RGS7: variants seen among roughly 807,000 people sequenced by gnomAD.
RGS7 encodes the protein regulator of G protein signaling 7.
In RGS7, 27 loss-of-function variants were observed where a neutral mutation model predicts 81.1. The ratio of observed to expected loss-of-function variants is 0.33; its 90% CI spans 0.25 to 0.46. RGS7 has a LOEUF of 0.46. RGS7 is among the 20% of genes least tolerant of loss of function. The pLI is 1.00. For synonymous variants in RGS7, 208 were observed against 207.7 expected (o/e 1.00, Z -0.01); for missense variants, 396 against 607.4 (o/e 0.65, Z 3.66).
At chr1:240,803,760 C>CATGT (rs1688386255) in intron 15 of RGS7, among the ~76,000 whole-genome samples, 1 of 151,862 alleles carries the variant, frequency 6.6e-6, no homozygotes, top group Non-Finnish European at 1.5e-5. Context: ...AGGGAGCTAA[C>CATGT]ATGTGCCTTG....
In RGS7 at chr1:240,827,149, T is replaced by C; in HGVS notation, c.633A>G (p.Glu211=). Residue 211 remains glutamate, a synonymous_variant, in exon 10 of 19, where the codon GAA becomes GAG. Transcript: ENST00000440928. ...RPVPGCVNTT[E]VDIKKSSRMR... ...TTCTGGATGACTTCTTAATGTCCAC[T>C]TCAGTTGTATTTACACATCCAGGCT... The C allele has an allele frequency of 6.2e-7, 1 of 1,613,776 alleles. No homozygotes were observed. Among genetic ancestry groups the C allele is most frequent in the Non-Finnish European group, 8.5e-7 (1 of 1,179,652 alleles).
intron 6 of RGS7, chr1:240,920,163 G>T: frequency 1.0e-6 from 1 of 982,292 alleles, no homozygotes; most frequent in Non-Finnish European, 1.6e-6. Flanking sequence ...CACTGTGAAT[G>T]GCCACAACTG....
At chr1:241,179,023 C>T (rs1280953333) in intron 2 of RGS7, among the ~76,000 whole-genome samples, 1 of 152,178 alleles carries the variant, frequency 6.6e-6, no homozygotes, top group Non-Finnish European at 1.5e-5. Flanking sequence ...TGTACTTCTA[C>T]TGAATTGTAA....
intron 4 of RGS7, among the ~76,000 whole-genome samples, chr1:240,964,347 T>C (rs1448708785): frequency 1.3e-5 from 2 of 152,120 alleles, no homozygotes; most frequent in African/African-American, 4.8e-5. Flanking sequence ...GAAGGCCTGA[T>C]TGAGGTTGGG....
At chr1:241,346,872 A>G (rs2082928624) in intron 2 of RGS7, among the ~76,000 whole-genome samples, 1 of 152,242 alleles carries the variant, frequency 6.6e-6, no homozygotes, top group Non-Finnish European at 1.5e-5. Flanking sequence ...GACAAATGAC[A>G]TTGATTTCCA....
At chr1:241,327,169 C>T (rs2081653101) in intron 2 of RGS7, among the ~76,000 whole-genome samples, 1 of 142,820 alleles carries the variant, frequency 7.0e-6, no homozygotes, top group Admixed American at 6.9e-5. Flanking sequence ...GAAAGAAACA[C>T]ACAGACTAAG....
intron 6 of RGS7, among the ~76,000 whole-genome samples, chr1:240,879,271 C>T (rs937996070): frequency 6.6e-6 from 1 of 152,202 alleles, no homozygotes; most frequent in Admixed American, 6.5e-5. Context: ...CAATTTAATA[C>T]TTTTTACCTT....
At chr1:240,987,214 A>G (rs747799539) in intron 3 of RGS7, among the ~76,000 whole-genome samples, 8 of 152,238 alleles carry the variant, frequency 5.3e-5, no homozygotes, top group Non-Finnish European at 1.2e-4. Flanking sequence ...GGACTCTGTA[A>G]GCAAGCAAAA....
Position 241,328,796 on chromosome 1 carries a change from T to TCTTAA in RGS7, c.78+26902_78+26903insTTAAG, listed in dbSNP as rs374863606. ...TATAGAAACATGTCAGAAAATGCTATCTTATTATCCCTACCCCCAAATAAA... is the reference window on the plus strand; with the variant it reads ...TATAGAAACATGTCAGAAAATGCTATCTTAACTTATTATCCCTACCCCCAAATAAA... On this transcript the variant is annotated intron_variant, in intron 2 of 18. Transcript: ENST00000440928. Among the ~76,000 whole-genome samples, 1,031 of 152,324 alleles carry TCTTAA rather than the reference T, an allele frequency of 6.8e-3. 9 individuals carry two copies. Among genetic ancestry groups the TCTTAA allele is most frequent in the Middle Eastern group, 0.01 (3 of 294 alleles).
At chr1:240,938,922 C>T (rs2148386217) in intron 4 of RGS7, among the ~76,000 whole-genome samples, 1 of 152,074 alleles carries the variant, frequency 6.6e-6, no homozygotes. Context: ...TAGCAACATG[C>T]CTACCTATCC....
At chr1:241,176,428 AT>A (rs1259214769) in intron 2 of RGS7, among the ~76,000 whole-genome samples, 1 of 152,100 alleles carries the variant, frequency 6.6e-6, no homozygotes, top group Non-Finnish European at 1.5e-5. Flanking sequence ...GCTGATAGTT[AT>A]TTCTGGGTCA....
At chr1:241,175,251 G>C (rs2071043271) in intron 2 of RGS7, among the ~76,000 whole-genome samples, 1 of 152,096 alleles carries the variant, frequency 6.6e-6, no homozygotes. Context: ...AGGGATCATT[G>C]TCTCCTATTA....
At chr1:240,901,239 T>G (rs1415060838) in intron 6 of RGS7, among the ~76,000 whole-genome samples, 2 of 152,122 alleles carry the variant, frequency 1.3e-5, no homozygotes, top group Non-Finnish European at 2.9e-5. Flanking sequence ...CCCTTGTGCT[T>G]CCCAGGTGAG....
chr1:241,157,731 TA>T (rs1558138603), intron 2 of RGS7, among the ~76,000 whole-genome samples: 1 of 151,954 alleles, frequency 6.6e-6, no homozygotes, highest in African/African-American at 2.4e-5. Context: ...AAAAATAAAA[TA>T]AAAAGCATAA....
intron 3 of RGS7, among the ~76,000 whole-genome samples, chr1:241,000,185 C>A (rs950232713): frequency 6.6e-6 from 1 of 152,056 alleles, no homozygotes; most frequent in Non-Finnish European, 1.5e-5. Flanking sequence ...CCAGTCTCCT[C>A]TCGTGATCTT....
intron 9 of RGS7, among the ~76,000 whole-genome samples, chr1:240,862,466 T>A (rs995967456): frequency 3.3e-5 from 5 of 152,172 alleles, no homozygotes; most frequent in African/African-American, 1.2e-4. Context: ...AATGCTCGTG[T>A]CAAATCGGAT....
intron 6 of RGS7, among the ~76,000 whole-genome samples, chr1:240,883,309 A>G (rs371737648): frequency 1.2e-4 from 19 of 152,246 alleles, no homozygotes; most frequent in East Asian, 5.8e-4. Flanking sequence ...GTGCACATGT[A>G]CCCTAAAACT....
At chr1:241,203,327 G>A (rs1281018470) in intron 2 of RGS7, among the ~76,000 whole-genome samples, 6 of 152,098 alleles carry the variant, frequency 3.9e-5, no homozygotes. Context: ...CCACCTCCCA[G>A]GTTCAAGCGA....
At chr1:241,078,917 T>A (rs2062979255) in intron 3 of RGS7, among the ~76,000 whole-genome samples, 1 of 152,148 alleles carries the variant, frequency 6.6e-6, no homozygotes, top group Non-Finnish European at 1.5e-5. Flanking sequence ...CTACCACCGG[T>A]ATGTACTCTT....
Sources: allele counts gnomAD v4.1 joint callset (sites outside exome capture counted in the v4.1 genomes callset), GRCh38; gene constraint gnomAD v4.1.1; transcripts MANE v1.5; gene names NCBI Gene and HGNC (gene_info 2026-07-23, HGNC 2026-07-21).